Variants in CDH13 observed in about 807,000 individuals in gnomAD.
CDH13 encodes the protein cadherin-13.
A neutral mutation model predicts 63.8 loss-of-function variants in CDH13; 24 were observed. The observed-to-expected ratio is 0.38, with a 90% CI of 0.27 to 0.53. The LOEUF (loss-of-function observed/expected upper bound fraction) is 0.53. Among genes scored for constraint, CDH13 ranks in the 20% least tolerant of loss-of-function variants. The pLI is 0.85. For missense variants in CDH13, 1,049 were observed against 903.1 expected, an observed-to-expected ratio of 1.16 and a Z score of -2.07; for synonymous variants, 503 against 355.3, an observed-to-expected ratio of 1.42 and a Z score of -4.67.
intron 11 of CDH13, among the ~76,000 whole-genome samples, chr16:83,776,410 T>C (rs1274998845): frequency 6.6e-6 from 1 of 152,222 alleles, no homozygotes; most frequent in Admixed American, 6.5e-5. Context: ...TAATTATGCA[T>C]TTCTTTTGAG....
intron 2 of CDH13, among the ~76,000 whole-genome samples, chr16:82,988,556 G>A (rs1911246321): frequency 6.6e-6 from 1 of 152,082 alleles, no homozygotes; most frequent in African/African-American, 2.4e-5. Context: ...GAGGTCAGGA[G>A]TTCGAGACCT....
Position 82,872,432 on chromosome 16 carries a change from C to T in CDH13, c.157+13959C>T, listed in dbSNP as rs183165992. Among the ~76,000 whole-genome samples the T allele has an allele frequency of 2.7e-3, 418 of 152,296 alleles. 3 individuals are homozygous for T. The highest frequency in any genetic ancestry group is 8.6e-3 in the African/African-American group (358 of 41,562). ...AAGGAATTAAGAATACAGGAACATA[C>T]GGATGTTACAGGAGCATCTCCTAAT... On this transcript the variant is annotated intron_variant, in intron 2 of 13. Coordinates refer to ENST00000567109, the MANE Select transcript of CDH13 (RefSeq NM_001257.5).
intron 1 of CDH13, among the ~76,000 whole-genome samples, chr16:82,791,593 C>T (rs2036307739): frequency 6.6e-6 from 1 of 152,216 alleles, no homozygotes; most frequent in African/African-American, 2.4e-5. Context: ...AGCTTTCGCT[C>T]ACCATCCACC....
At chr16:82,857,780 C>A (rs572367450) in intron 1 of CDH13, among the ~76,000 whole-genome samples, 1 of 152,208 alleles carries the variant, frequency 6.6e-6, no homozygotes, top group South Asian at 2.1e-4. Flanking sequence ...ATTTTACATT[C>A]TTTTCCTTAT....
At chr16:83,625,831 G>T (rs1910246418) in intron 8 of CDH13, among the ~76,000 whole-genome samples, 1 of 152,156 alleles carries the variant, frequency 6.6e-6, no homozygotes, top group Non-Finnish European at 1.5e-5. Flanking sequence ...ACAAAAGCAA[G>T]GTCGGCCTAC....
intron 6 of CDH13, among the ~76,000 whole-genome samples, chr16:83,437,642 A>T (rs1343322901): frequency 1.3e-5 from 2 of 152,066 alleles, no homozygotes; most frequent in African/African-American, 4.8e-5. Context: ...ATGCCACTGC[A>T]CTCCAGCCTG....
chr16:83,217,679 T>A (rs2039581264), intron 5 of CDH13, among the ~76,000 whole-genome samples, 182 bp downstream of exon 5: 1 of 152,152 alleles, frequency 6.6e-6, no homozygotes, highest in Non-Finnish European at 1.5e-5. Flanking sequence ...GTGGGGGGTC[T>A]TTATCTCATC....
rs375686195 is a variant in CDH13, at chr16:83,648,033, A to G, written c.1102-22757A>G. Among the ~76,000 whole-genome samples the G allele has an allele frequency of 2.7e-4, 41 of 152,196 alleles. No individual in the cohort carries two copies. The East Asian group carries it at 7.5e-3, about 28-fold the overall frequency. The stretch of plus-strand genomic sequence containing the variant: ...AAGGAAACTGGAGTCTAGTGACCAC[A>G]CCTTTTTTTGGTTCCCTGACTTAGA... On this transcript the variant is annotated intron_variant, in intron 8 of 13. Transcript: ENST00000567109.
chr16:83,280,313 C>A (rs547190920), intron 5 of CDH13, among the ~76,000 whole-genome samples: 30 of 152,270 alleles, frequency 2.0e-4, no homozygotes, highest in African/African-American at 5.5e-4. Context: ...AGTAGCTTTA[C>A]CAGGAGTAGG....
At chr16:83,312,916 C>T (rs2090031129) in intron 5 of CDH13, among the ~76,000 whole-genome samples, 1 of 152,150 alleles carries the variant, frequency 6.6e-6, no homozygotes, top group Admixed American at 6.5e-5. Context: ...AGCTGTGTTG[C>T]CTTGGTATTA....
intron 1 of CDH13, among the ~76,000 whole-genome samples, chr16:82,837,332 A>T (rs1393499308): frequency 6.6e-6 from 1 of 152,062 alleles, no homozygotes; most frequent in African/African-American, 2.4e-5. Flanking sequence ...AGTCCATGTA[A>T]AGTGCTCCCC....
chr16:83,022,302 C>G (rs1915416455), intron 2 of CDH13, among the ~76,000 whole-genome samples: 1 of 152,128 alleles, frequency 6.6e-6, no homozygotes, highest in African/African-American at 2.4e-5. Flanking sequence ...TCTGTTTTTC[C>G]AAGTAGGCAA....
chr16:83,755,271 A>C (rs1913411533), intron 11 of CDH13, among the ~76,000 whole-genome samples: 1 of 152,128 alleles, frequency 6.6e-6, no homozygotes, highest in Non-Finnish European at 1.5e-5. Context: ...TATAGCAAAC[A>C]CCACAAGGGA....
At chr16:83,478,572 G>A (rs1040844502) in intron 6 of CDH13, among the ~76,000 whole-genome samples, 3 of 152,174 alleles carry the variant, frequency 2.0e-5, no homozygotes, top group African/African-American at 7.2e-5. Flanking sequence ...AACAACCCCT[G>A]GATAACTGGG....
chr16:83,689,898 T>C (rs1322218843), intron 10 of CDH13, among the ~76,000 whole-genome samples: 2 of 152,228 alleles, frequency 1.3e-5, no homozygotes, highest in African/African-American at 2.4e-5. Flanking sequence ...ATTAAAAATA[T>C]CTGTTGGCCG....
At chr16:83,366,702 G>C (rs978123127) in intron 6 of CDH13, among the ~76,000 whole-genome samples, 2 of 152,138 alleles carry the variant, frequency 1.3e-5, no homozygotes, top group African/African-American at 4.8e-5. Context: ...CTTTATGATA[G>C]GTCCCTTAAT....
At chr16:82,913,247 G>A (rs1019702194) in intron 2 of CDH13, among the ~76,000 whole-genome samples, 2 of 152,180 alleles carry the variant, frequency 1.3e-5, no homozygotes, top group Non-Finnish European at 2.9e-5. Flanking sequence ...AGGGCAGGTA[G>A]CAGGTCTGAA....
At chr16:82,704,388 A>C (rs938538104) in intron 1 of CDH13, among the ~76,000 whole-genome samples, 3 of 152,210 alleles carry the variant, frequency 2.0e-5, no homozygotes, top group African/African-American at 7.2e-5. Context: ...TGTAAGCATT[A>C]CTTCAACATT....
intron 8 of CDH13, among the ~76,000 whole-genome samples, chr16:83,627,069 G>A (rs1026689088): frequency 1.3e-5 from 2 of 151,488 alleles, no homozygotes; most frequent in African/African-American, 4.9e-5. Flanking sequence ...GATTACCTAA[G>A]CTCAGGAGTT....
Sources: allele counts gnomAD v4.1 joint callset (sites outside exome capture counted in the v4.1 genomes callset), GRCh38; gene constraint gnomAD v4.1.1; transcripts MANE v1.5; gene names NCBI Gene and HGNC (gene_info 2026-07-23, HGNC 2026-07-21).